TAF3: variants seen among roughly 807,000 people sequenced by gnomAD.
TAF3 encodes transcription initiation factor TFIID subunit 3.
Under a neutral mutation model 80.6 loss-of-function variants are expected in TAF3, and 7 were observed. That is an observed-to-expected ratio of 0.09 (90% CI 0.05 to 0.16). The LOEUF is 0.16. TAF3 is among the 10% of genes least tolerant of loss of function. The pLI, the probability that TAF3 is intolerant of heterozygous loss-of-function variation, is 1.00. For synonymous variants in TAF3, 444 were observed against 446.1 expected (o/e 1.00, Z 0.06); for missense variants, 921 against 1,140.2 (o/e 0.81, Z 2.77).
At position 7,915,055 on chromosome 10, in the gene TAF3, C is replaced by G. The variant is rs1029211835; in HGVS notation, c.410-48865C>G. On this transcript the variant is annotated intron_variant, in intron 2 of 6. Coordinates refer to ENST00000344293, the MANE Select transcript of TAF3 (RefSeq NM_031923.4). ...TCCTGGGTTCACGCCATTCTTCTGC[C>G]TCAGCCTCCTGAGTAGCTGGGACTA... 3.3e-5 allele frequency among the ~76,000 whole-genome samples: 5 copies of G among 151,272 alleles called. No homozygotes were observed. In the East Asian group the frequency reaches 9.9e-4, roughly 30 times the overall value.
At chr10:7,995,406 T>C (rs1831878418) in intron 4 of TAF3, among the ~76,000 whole-genome samples, 1 of 152,234 alleles carries the variant, frequency 6.6e-6, no homozygotes, top group South Asian at 2.1e-4. Context: ...CCTTTTTCCC[T>C]ATGACCTTTA....
At chr10:7,917,986 G>C (rs1837727901) in intron 2 of TAF3, among the ~76,000 whole-genome samples, 1 of 152,164 alleles carries the variant, frequency 6.6e-6, no homozygotes, top group African/African-American at 2.4e-5. Context: ...ACATGACAAA[G>C]AGCAAACACA....
At chr10:7,819,412 A>G (rs922785387) in intron 1 of TAF3, among the ~76,000 whole-genome samples, 4 of 152,172 alleles carry the variant, frequency 2.6e-5, no homozygotes, top group South Asian at 4.1e-4. Flanking sequence ...CGTGAACGAC[A>G]TCTCCATTTA....
chr10:7,863,837 T>A (rs1252834683), intron 2 of TAF3, among the ~76,000 whole-genome samples: 1 of 151,180 alleles, frequency 6.6e-6, no homozygotes, highest in African/African-American at 2.4e-5. Context: ...TCAGTGCATC[T>A]CTTATACATA....
intron 2 of TAF3, among the ~76,000 whole-genome samples, chr10:7,882,068 G>A (rs754802626): frequency 3.9e-5 from 6 of 152,178 alleles, no homozygotes; most frequent in Non-Finnish European, 8.8e-5. Flanking sequence ...TGATTTGTCT[G>A]TGAGTTTTCA....
chr10:7,845,951 GTGTTTT>G (rs1281226784), intron 2 of TAF3, among the ~76,000 whole-genome samples: 4 of 142,046 alleles, frequency 2.8e-5, no homozygotes, highest in Non-Finnish European at 6.1e-5. Context: ...AGTGGTTTGT[GTGTTTT>G]TGTTTTTTTT....
rs373273782 is a variant in TAF3, at chr10:7,846,987, G to A, written c.409+22427G>A. 5.9e-5 allele frequency among the ~76,000 whole-genome samples: 9 copies of A among 152,214 alleles called. No individual in the cohort carries two copies. In the East Asian group the frequency reaches 7.7e-4, roughly 13 times the overall value. ...ACTGGAAACACCTTCTTTTTAGTCT[G>A]CTTATAGCTTTCATTTGAATACAGT... On this transcript the variant is annotated intron_variant, in intron 2 of 6. Coordinates refer to ENST00000344293, the MANE Select transcript of TAF3 (RefSeq NM_031923.4).
At chr10:7,983,770 T>G (rs1831750398) in intron 4 of TAF3, among the ~76,000 whole-genome samples, 1 of 152,066 alleles carries the variant, frequency 6.6e-6, no homozygotes, top group East Asian at 1.9e-4. Context: ...GCCTGGGAAC[T>G]CAAGGCTACA....
intron 2 of TAF3, among the ~76,000 whole-genome samples, chr10:7,830,005 C>T (rs1250665288): frequency 6.6e-6 from 1 of 152,124 alleles, no homozygotes; most frequent in African/African-American, 2.4e-5. Context: ...CAAGTGAATT[C>T]GTTATGAAAT....
intron 4 of TAF3, among the ~76,000 whole-genome samples, chr10:7,978,748 C>G (rs1831696309): frequency 6.6e-6 from 1 of 152,214 alleles, no homozygotes; most frequent in African/African-American, 2.4e-5. Flanking sequence ...ATGTTGTTAT[C>G]CATCATTCAA....
chr10:7,947,667 G>A (rs1476884257), intron 2 of TAF3, among the ~76,000 whole-genome samples: 1 of 152,188 alleles, frequency 6.6e-6, no homozygotes, highest in African/African-American at 2.4e-5. Flanking sequence ...AGTTTGAGAA[G>A]CATCGAAGAT....
intron 3 of TAF3, among the ~76,000 whole-genome samples, chr10:7,966,701 A>C (rs546833269): frequency 6.6e-6 from 1 of 152,296 alleles, no homozygotes; most frequent in Non-Finnish European, 1.5e-5. Context: ...TCATATGATA[A>C]AATTTGATGT....
At chr10:7,849,459 T>C (rs564116898) in intron 2 of TAF3, among the ~76,000 whole-genome samples, 1 of 152,282 alleles carries the variant, frequency 6.6e-6, no homozygotes, top group African/African-American at 2.4e-5. Context: ...GATTTAGGGT[T>C]ATTGCATGGG....
chr10:7,819,458 A>T (rs1836668061), intron 1 of TAF3, among the ~76,000 whole-genome samples: 1 of 152,052 alleles, frequency 6.6e-6, no homozygotes, highest in African/African-American at 2.4e-5. Context: ...AGTTTCGCTG[A>T]TTAGATGTAC....
At chr10:8,008,523 T>C (rs180904132) in intron 4 of TAF3, among the ~76,000 whole-genome samples, 1 of 152,288 alleles carries the variant, frequency 6.6e-6, no homozygotes, top group East Asian at 1.9e-4. Context: ...AAGAGAGAAA[T>C]AGAAACTTTT....
chr10:7,942,914 T>C (rs1022714063), intron 2 of TAF3, among the ~76,000 whole-genome samples: 1 of 152,258 alleles, frequency 6.6e-6, no homozygotes, highest in Admixed American at 6.5e-5. Flanking sequence ...ATTTCAGCTG[T>C]AGGCTGTCTG....
intron 2 of TAF3, among the ~76,000 whole-genome samples, chr10:7,904,931 C>A (rs1837593242): frequency 6.6e-6 from 1 of 152,170 alleles, no homozygotes. Flanking sequence ...TCCTCCTCCA[C>A]ACTGAGCTCT....
At chr10:7,856,697 C>G (rs550707004) in intron 2 of TAF3, among the ~76,000 whole-genome samples, 175 of 151,794 alleles carry the variant, frequency 1.2e-3, no homozygotes, top group African/African-American at 4.1e-3. Context: ...TGGCTTTTTC[C>G]AAATCTAGGG....
At chr10:7,844,731 A>G (rs1158397353) in intron 2 of TAF3, among the ~76,000 whole-genome samples, 1 of 152,080 alleles carries the variant, frequency 6.6e-6, no homozygotes, top group African/African-American at 2.4e-5. Flanking sequence ...CATAATATTT[A>G]GCTAGCTGGA....
Sources: allele counts gnomAD v4.1 joint callset (sites outside exome capture counted in the v4.1 genomes callset), GRCh38; gene constraint gnomAD v4.1.1; transcripts MANE v1.5; gene names NCBI Gene and HGNC (gene_info 2026-07-23, HGNC 2026-07-21).